Variants in SYN3 observed in about 807,000 individuals in gnomAD.
The protein encoded by SYN3 is synapsin-3.
SYN3 carries 35 observed loss-of-function variants against 65.8 expected under a neutral mutation model. That is an observed-to-expected ratio of 0.53 (90% CI 0.41 to 0.70). The LOEUF (loss-of-function observed/expected upper bound fraction) is 0.70. SYN3 is among the 30% of genes least tolerant of loss of function. The probability of loss-of-function intolerance (pLI) is 0.00; values close to 1 mark genes in which losing one functional copy is unlikely to be tolerated. For missense variants in SYN3, 680 were observed against 749.0 expected, an observed-to-expected ratio of 0.91 and a Z score of 1.08; for synonymous variants, 270 against 292.9, an observed-to-expected ratio of 0.92 and a Z score of 0.80.
At position 32,643,562 on chromosome 22, in the gene SYN3, G is replaced by C. The variant is rs1272917215; in HGVS notation, c.712-46826C>G. Among the ~76,000 whole-genome samples the C allele has an allele frequency of 8.8e-4, 107 of 122,032 alleles. 4 individuals carry two copies. Among genetic ancestry groups the C allele is most frequent in the Middle Eastern group, 3.9e-3 (1 of 256 alleles). The allele number at this position is 122,032 out of a possible 152,430, so 80.1% of individuals were successfully genotyped here. ...AATTAGAAATGGTGGGGGGGCGGGGGGGGCAGAACAGACCCATAAAGGAAA... is the reference window on the plus strand; with the variant it reads ...AATTAGAAATGGTGGGGGGGCGGGGCGGGCAGAACAGACCCATAAAGGAAA... On this transcript the variant is annotated intron_variant, in intron 6 of 13. Transcript: ENST00000358763.
chr22:32,843,451 C>T (rs1294323322), intron 6 of SYN3, among the ~76,000 whole-genome samples: 1 of 152,180 alleles, frequency 6.6e-6, no homozygotes, highest in Non-Finnish European at 1.5e-5. Context: ...AAAAGGCTTG[C>T]TTGGCGGGCT....
chr22:33,010,232 CAAA>C (rs34426068), intron 1 of SYN3, among the ~76,000 whole-genome samples: 1 of 137,658 alleles, frequency 7.3e-6, no homozygotes. Flanking sequence ...AACTCTGTCC[CAAA>C]AAAAAAAAAA....
At chr22:32,826,859 G>C (rs895828001) in intron 6 of SYN3, among the ~76,000 whole-genome samples, 20 of 152,138 alleles carry the variant, frequency 1.3e-4, no homozygotes, top group African/African-American at 4.6e-4. Context: ...TCTCCCACTT[G>C]ATCCCTGTGA....
At chr22:32,561,419 T>G (rs530871260) in intron 7 of SYN3, among the ~76,000 whole-genome samples, 1 of 152,290 alleles carries the variant, frequency 6.6e-6, no homozygotes, top group South Asian at 2.1e-4. Flanking sequence ...CAAACCTGCT[T>G]GGCTTGCCTA....
In SYN3 at chr22:32,877,439, C is replaced by A. The variant is rs1245395066; in HGVS notation, c.462-8314G>T. ...CCTGTTGGCTCTAGAATAGGGTTTC[C>A]CAACCTCAGCACTGTGGACATTTTC... On this transcript the variant is annotated intron_variant, in intron 4 of 13. Coordinates refer to ENST00000358763, the MANE Select transcript of SYN3 (RefSeq NM_003490.4). 2.6e-5 allele frequency among the ~76,000 whole-genome samples: 4 copies of A among 152,122 alleles called. 1 individual carries two copies. Among genetic ancestry groups the A allele is most frequent in the Admixed American group, 2.6e-4 (4 of 15,282 alleles).
At chr22:32,955,797 T>A (rs1291256813) in intron 3 of SYN3, among the ~76,000 whole-genome samples, 1 of 152,008 alleles carries the variant, frequency 6.6e-6, no homozygotes, top group Non-Finnish European at 1.5e-5. Context: ...ACCCTTAATC[T>A]GGGTGGGCAC....
chr22:32,850,100 T>A (rs952428557), intron 6 of SYN3, among the ~76,000 whole-genome samples: 3 of 149,964 alleles, frequency 2.0e-5, no homozygotes, highest in African/African-American at 7.4e-5. Flanking sequence ...TCTTCTTGCA[T>A]CCTAGATAGT....
At chr22:32,556,558 G>A (rs963939567) in intron 7 of SYN3, among the ~76,000 whole-genome samples, 3 of 152,156 alleles carry the variant, frequency 2.0e-5, no homozygotes, top group Non-Finnish European at 4.4e-5. Context: ...ACCCCCATGA[G>A]TCTGTGGCGC....
Position 32,644,099 on chromosome 22 carries a change from A to AG in SYN3, c.712-47364_712-47363insC, listed in dbSNP as rs1156865695. 0.012 allele frequency among the ~76,000 whole-genome samples: 254 copies of AG among 21,246 alleles called. 58 individuals carry two copies. In the East Asian group the frequency reaches 0.31, roughly 26 times the overall value. 13.9% of individuals were successfully genotyped at this position (21,246 alleles called of 152,430 possible). The stretch of plus-strand genomic sequence containing the variant: ...AAAAAAAAAAAAAAAAAAAAAAAAA[A>AG]AAAGCGACAAGACTGACTGATGATG... On this transcript the variant is annotated intron_variant, in intron 6 of 13. Coordinates refer to ENST00000358763, the MANE Select transcript of SYN3 (RefSeq NM_003490.4).
chr22:32,869,689 GGTT>G (rs2048796844), intron 4 of SYN3, among the ~76,000 whole-genome samples: 1 of 118,448 alleles, frequency 8.4e-6, no homozygotes, highest in African/African-American at 3.3e-5. Flanking sequence ...AACACATCTT[GGTT>G]TTTTTTTTTT....
chr22:32,609,935 A>G, intron 6 of SYN3, among the ~76,000 whole-genome samples: 1 of 152,230 alleles, frequency 6.6e-6, no homozygotes, highest in East Asian at 1.9e-4. Context: ...GATACAATTC[A>G]CATACCATAA....
At chr22:32,774,700 T>C (rs937714694) in intron 6 of SYN3, among the ~76,000 whole-genome samples, 7 of 152,172 alleles carry the variant, frequency 4.6e-5, no homozygotes, top group African/African-American at 1.2e-4. Flanking sequence ...GTTCAAGTGA[T>C]TCTCCCGCCT....
chr22:33,034,234 G>A (rs2053811201), intron 1 of SYN3, among the ~76,000 whole-genome samples: 1 of 151,264 alleles, frequency 6.6e-6, no homozygotes, highest in Non-Finnish European at 1.5e-5. Context: ...CAGGATATCT[G>A]TATGTACTAC....
chr22:32,897,625 T>C (rs1033328688), intron 4 of SYN3, among the ~76,000 whole-genome samples: 4 of 152,202 alleles, frequency 2.6e-5, no homozygotes, highest in African/African-American at 9.6e-5. Flanking sequence ...CTTAGCTTTA[T>C]CACCTCAGGC....
Position 32,639,181 on chromosome 22 carries a change from C to T in SYN3, c.712-42445G>A, listed in dbSNP as rs1374486775. Among the ~76,000 whole-genome samples the T allele has an allele frequency of 2.0e-5, 3 of 152,160 alleles. No homozygotes were observed. In the East Asian group the frequency reaches 5.8e-4, roughly 29 times the overall value. ...TGTTAGCCAGAATGGTCTCGATCTC[C>T]TGACCTCCTGATCCACCCGCCTCGG... On this transcript the variant is annotated intron_variant, in intron 6 of 13. Transcript: ENST00000358763.
At chr22:32,929,279 T>C (rs1329126341) in intron 4 of SYN3, among the ~76,000 whole-genome samples, 2 of 152,148 alleles carry the variant, frequency 1.3e-5, no homozygotes, top group Non-Finnish European at 2.9e-5. Context: ...CGAAACTCCA[T>C]CTCAAAACAA....
At chr22:32,767,586 T>A (rs1352731925) in intron 6 of SYN3, among the ~76,000 whole-genome samples, 1 of 152,254 alleles carries the variant, frequency 6.6e-6, no homozygotes, top group Non-Finnish European at 1.5e-5. Flanking sequence ...AAGGGAATTC[T>A]AGTTCATATT....
intron 3 of SYN3, among the ~76,000 whole-genome samples, chr22:32,941,293 A>G (rs889999112): frequency 1.3e-5 from 2 of 152,186 alleles, no homozygotes; most frequent in Non-Finnish European, 2.9e-5. Context: ...ACACACCTCT[A>G]AAGGTTTCTC....
chr22:32,859,225 G>A lies in SYN3; in HGVS notation c.711+5690C>T, dbSNP rs137853302. 6.2e-7 allele frequency: 1 copy of A among 1,614,152 alleles called. No homozygotes were observed. Among genetic ancestry groups the A allele is most frequent in the Admixed American group, 1.7e-5 (1 of 60,018 alleles). ...GCCTTGCTTTGTGACTTCCAAGAAC[G>A]AGTGTCTCTGGACCGACATGCTCTC... On this transcript the variant is annotated intron_variant, in intron 6 of 13. Transcript: ENST00000358763.
Sources: gnomAD v4.1 joint callset for allele counts (sites outside exome capture counted in the v4.1 genomes callset) on GRCh38, gnomAD v4.1.1 for gene constraint, MANE v1.5 for transcripts, NCBI Gene and HGNC (gene_info 2026-07-23, HGNC 2026-07-21) for gene names.